LAMA3: variants seen among roughly 807,000 people sequenced by gnomAD.
LAMA3 encodes laminin subunit alpha 3, also known as laminin subunit alpha-3.
A neutral mutation model predicts 402.0 loss-of-function variants in LAMA3; 281 were observed. The observed-to-expected ratio is 0.70, with a 90% CI of 0.63 to 0.77. The LOEUF is 0.77. LAMA3 is among the 30% of genes least tolerant of loss of function. LAMA3 has a pLI of 0.00. For synonymous variants in LAMA3, 1,431 were observed against 1,558.4 expected (o/e 0.92, Z 1.93); for missense variants, 3,840 against 4,215.5 (o/e 0.91, Z 2.47).
chr18:23,777,980 G>C (rs1246528780), intron 11 of LAMA3, among the ~76,000 whole-genome samples: 2 of 152,236 alleles, frequency 1.3e-5, no homozygotes, highest in Admixed American at 1.3e-4. Context: ...CCCAGGAAGG[G>C]AGAGAGTCAG....
rs539640839 is a variant in LAMA3, at chr18:23,709,766, G to A, written c.295-4154G>A. On this transcript the variant is annotated intron_variant, in intron 1 of 74. Transcript: ENST00000313654. ...TCTCTTCTGCTCCACAAGTTTGATT[G>A]TCTTTTCTTTCTTTCTTTCTTTTTT... is the stretch of plus-strand genomic sequence containing the variant. 310 of 576,702 alleles carry A rather than the reference G, an allele frequency of 5.4e-4. 5 individuals carry two copies. The highest frequency in any genetic ancestry group is 4.5e-3 in the South Asian group (294 of 65,466). 35.7% of individuals were successfully genotyped at this position (576,702 alleles called of 1,614,324 possible). A position where few individuals can be genotyped will look rare whatever the true frequency, so the allele number is the denominator to read the frequency against.
intron 18 of LAMA3, among the ~76,000 whole-genome samples, chr18:23,819,368 T>A (rs938962139): frequency 1.3e-5 from 2 of 152,158 alleles, no homozygotes; most frequent in Non-Finnish European, 2.9e-5. Context: ...AGAAAATATA[T>A]CTAACTTGTA....
At position 23,857,849 on chromosome 18, in the gene LAMA3, A is replaced by G. The variant is rs757734053; in HGVS notation, c.4142A>G (p.Lys1381Arg). 2 of 1,614,130 alleles carry G rather than the reference A, an allele frequency of 1.2e-6. No individual in the cohort carries two copies. Among genetic ancestry groups the G allele is most frequent in the East Asian group, 4.5e-5 (2 of 44,894 alleles). Residue 1381 changes from lysine (K) to arginine (R), a missense_variant, in exon 33 of 75, where the codon AAG becomes AGG. Physicochemically the swap from Lys to Arg is conservative, Grantham distance 26 (BLOSUM62 2). Around this residue, in one of 3 missense-constraint regions of LAMA3, gnomAD observed 2,109 missense variants for 2,376.0 expected, o/e 0.89. Coordinates refer to ENST00000313654, the MANE Select transcript of LAMA3 (RefSeq NM_198129.4). Reference protein sequence around the residue: ...CDRDSGQCRCKPRITGRQCDR... With the variant: ...CDRDSGQCRCRPRITGRQCDR... ...TTCCTTTACTTTGTGTACAGATGCAAGCCCAGAATCACAGGGCGGCAGTGT... is the reference window on the plus strand; with the variant it reads ...TTCCTTTACTTTGTGTACAGATGCAGGCCCAGAATCACAGGGCGGCAGTGT...
intron 62 of LAMA3, among the ~76,000 whole-genome samples, chr18:23,925,574 C>T (rs934806326): frequency 6.6e-6 from 1 of 152,188 alleles, no homozygotes; most frequent in African/African-American, 2.4e-5. Flanking sequence ...CTGAAGTCGG[C>T]CTGCAACAGC....
intron 12 of LAMA3, among the ~76,000 whole-genome samples, chr18:23,809,714 G>A (rs1180293602): frequency 6.6e-6 from 1 of 152,186 alleles, no homozygotes; most frequent in Non-Finnish European, 1.5e-5. Context: ...CAGCTTGGGG[G>A]AGGGAGGAAA....
intron 18 of LAMA3, 74 bp downstream of exon 18, chr18:23,816,561 G>A: frequency 8.1e-7 from 1 of 1,231,018 alleles, no homozygotes. Context: ...CTGTGCTACA[G>A]CTCTGGAGAA....
At chr18:23,753,504 C>T (rs760302918) in intron 5 of LAMA3, among the ~76,000 whole-genome samples, 3 of 152,064 alleles carry the variant, frequency 2.0e-5, no homozygotes, top group Non-Finnish European at 4.4e-5. Context: ...GAACTTCAAG[C>T]ATTTGATTTT....
At position 23,932,423 on chromosome 18, in the gene LAMA3, A is replaced by G. The variant is rs191039444; in HGVS notation, c.8708+132A>G. On this transcript the variant is annotated intron_variant, in intron 66 of 74. Coordinates refer to ENST00000313654, the MANE Select transcript of LAMA3 (RefSeq NM_198129.4). ...GAGACCCGCATACCACAGTCTTTCA[A>G]AATGCCATCTTTGGCAAGATACACC... The G allele has an allele frequency of 2.3e-4, 237 of 1,035,492 alleles. 2 individuals carry two copies. The East Asian group carries it at 3.2e-3, about 14-fold the overall frequency. The allele number at this position is 1,035,492 out of a possible 1,614,324, so 64.1% of individuals were successfully genotyped here.
rs2082839913 is a variant in LAMA3, at chr18:23,949,811, T to C, written c.9398T>C (p.Leu3133Pro). The C allele has an allele frequency of 1.2e-6, 2 of 1,614,008 alleles. No individual in the cohort carries two copies. The highest frequency in any genetic ancestry group is 1.7e-6 in the Non-Finnish European group (2 of 1,180,020). Residue 3133 changes from leucine (L) to proline (P), a missense_variant, in exon 71 of 75, where the codon CTG becomes CCG. Transcript: ENST00000313654. ...GTGGGATGCCTGAAGAACTTTCAGC[T>C]GGATTCAAAACCCTTGTATACCCCT... ...SFVGCLKNFQ[L>P]DSKPLYTPSS...
intron 47 of LAMA3, chr18:23,899,694 T>G (rs1328417636): frequency 2.3e-6 from 1 of 434,548 alleles, no homozygotes. Flanking sequence ...CTTCTAAAAG[T>G]TAGATATGGT....
intron 24 of LAMA3, 78 bp from the exon 25 acceptor site, chr18:23,836,903 A>G: frequency 9.7e-7 from 1 of 1,026,900 alleles, no homozygotes; most frequent in Non-Finnish European, 1.5e-6. Flanking sequence ...CCAAAGAGCC[A>G]TCAGCCAACC....
chr18:23,737,901 G>A (rs545437730), intron 2 of LAMA3, among the ~76,000 whole-genome samples: 4 of 152,344 alleles, frequency 2.6e-5, no homozygotes, highest in Admixed American at 1.3e-4. Flanking sequence ...CAGAGGGACC[G>A]CTCAGCGGAG....
chr18:23,741,721 G>A (rs75229687), intron 2 of LAMA3, among the ~76,000 whole-genome samples: 7,709 of 152,166 alleles, frequency 0.051, 460 homozygotes, highest in Admixed American at 0.17. Context: ...GGTAACTTAC[G>A]ATGGGGAAAT....
At chr18:23,930,930 A>T in intron 64 of LAMA3, 132 bp from the exon 65 acceptor site, 1 of 831,088 alleles carries the variant, frequency 1.2e-6, no homozygotes, top group Non-Finnish European at 2.0e-6. Flanking sequence ...TAGAGCAAAA[A>T]GCAAACTCAA....
intron 2 of LAMA3, among the ~76,000 whole-genome samples, chr18:23,723,165 A>G (rs896746922): frequency 6.6e-6 from 1 of 152,220 alleles, no homozygotes; most frequent in African/African-American, 2.4e-5. Flanking sequence ...CTGGGAACTC[A>G]GTACTGATGT....
In LAMA3 at chr18:23,698,269, C is replaced by T. The variant is rs372345990; in HGVS notation, c.294+8292C>T. ...TCACCCAGGCTGGAGTGCAGTGGCG[C>T]GATCTCGGCTCACTGCGAGCTCCGC... On this transcript the variant is annotated intron_variant, in intron 1 of 74. Transcript: ENST00000313654. Among the ~76,000 whole-genome samples the T allele has an allele frequency of 8.6e-3, 1,264 of 146,906 alleles. 13 individuals are homozygous for T. Among genetic ancestry groups the T allele is most frequent in the South Asian group, 0.065 (297 of 4,592 alleles).
At chr18:23,916,503 G>A in intron 59 of LAMA3, 48 bp from the exon 60 acceptor site, 1 of 1,601,974 alleles carries the variant, frequency 6.2e-7, no homozygotes, top group Non-Finnish European at 8.6e-7. Context: ...CACTGGCATG[G>A]TGATCATTTG....
At chr18:23,841,693 C>T (rs777785384) in intron 27 of LAMA3, among the ~76,000 whole-genome samples, 1 of 152,194 alleles carries the variant, frequency 6.6e-6, no homozygotes, top group Admixed American at 6.5e-5. Context: ...GAGGCCAAGG[C>T]GGCAGTATTG....
intron 64 of LAMA3, among the ~76,000 whole-genome samples, chr18:23,930,096 T>A (rs1320603402): frequency 6.6e-6 from 1 of 152,192 alleles, no homozygotes. Context: ...GTAAAACTTG[T>A]TTTAGACTGA....
Sources: gnomAD v4.1 joint callset for allele counts (sites outside exome capture counted in the v4.1 genomes callset) on GRCh38, gnomAD v4.1.1 for gene constraint, gnomAD v4.1.1 regional missense constraint, MANE v1.5 for transcripts, NCBI Gene and HGNC (gene_info 2026-07-23, HGNC 2026-07-21) for gene names.